DLGAP1: variants seen among roughly 807,000 people sequenced by gnomAD.
DLGAP1 encodes disks large-associated protein 1.
Under a neutral mutation model 90.8 loss-of-function variants are expected in DLGAP1, and 11 were observed. That is an observed-to-expected ratio of 0.12 (90% CI 0.08 to 0.20). The LOEUF (loss-of-function observed/expected upper bound fraction) is 0.20. Among genes scored for constraint, DLGAP1 ranks in the 10% least tolerant of loss-of-function variants. The pLI is 1.00. For synonymous variants in DLGAP1, 558 were observed against 540.7 expected (o/e 1.03, Z -0.44); for missense variants, 1,050 against 1,333.8 (o/e 0.79, Z 3.31).
chr18:4,413,258 G>A (rs1438938387), intron 1 of DLGAP1, among the ~76,000 whole-genome samples: 4 of 152,060 alleles, frequency 2.6e-5, no homozygotes, highest in Non-Finnish European at 5.9e-5. Context: ...TGCAGCTAGG[G>A]ATTCATTCCA....
intron 1 of DLGAP1, among the ~76,000 whole-genome samples, chr18:4,209,612 A>C (rs1006235821): frequency 1.4e-4 from 21 of 152,210 alleles, no homozygotes; most frequent in Admixed American, 7.9e-4. Flanking sequence ...TGTTTATATC[A>C]AATGTAAATC....
intron 5 of DLGAP1, among the ~76,000 whole-genome samples, chr18:3,794,427 T>C (rs2065885747): frequency 9.4e-6 from 1 of 106,926 alleles, no homozygotes. Flanking sequence ...AAACTCTCCG[T>C]GTCAAAGTCT....
chr18:4,111,695 TTTCATCTAA>T (rs2075975769), intron 2 of DLGAP1, among the ~76,000 whole-genome samples: 1 of 152,084 alleles, frequency 6.6e-6, no homozygotes, highest in African/African-American at 2.4e-5. Flanking sequence ...AATTTGTCCA[TTTCATCTAA>T]GTTATCTAAT....
intron 1 of DLGAP1, among the ~76,000 whole-genome samples, chr18:4,332,110 T>C (rs146606525): frequency 1.2e-3 from 181 of 152,010 alleles, no homozygotes; most frequent in Non-Finnish European, 2.2e-3. Flanking sequence ...AGGCTGTAAA[T>C]AAGGCTTTCT....
At chr18:3,860,113 T>TAA (rs1555695348) in intron 4 of DLGAP1, among the ~76,000 whole-genome samples, 18 of 142,306 alleles carry the variant, frequency 1.3e-4, no homozygotes, top group South Asian at 6.5e-4. Context: ...AATAAATAAA[T>TAA]AAATAAATTT....
chr18:4,436,889 C>G (rs2083412972), intron 1 of DLGAP1, among the ~76,000 whole-genome samples: 1 of 152,148 alleles, frequency 6.6e-6, no homozygotes, highest in Admixed American at 6.5e-5. Flanking sequence ...TAGACTCAAA[C>G]AAAGTCCTAT....
intron 1 of DLGAP1, among the ~76,000 whole-genome samples, chr18:4,443,982 G>C (rs191359168): frequency 1.4e-4 from 22 of 152,330 alleles, no homozygotes; most frequent in Non-Finnish European, 2.5e-4. Context: ...AAGTGTTCCA[G>C]TTATGTTTTG....
intron 1 of DLGAP1, among the ~76,000 whole-genome samples, chr18:4,371,684 G>T (rs544188429): frequency 6.6e-6 from 1 of 152,206 alleles, no homozygotes; most frequent in Non-Finnish European, 1.5e-5. Flanking sequence ...GACTACAAAT[G>T]TATGAAGATT....
At chr18:4,008,931 T>C (rs2074360640) in intron 2 of DLGAP1, among the ~76,000 whole-genome samples, 1 of 151,768 alleles carries the variant, frequency 6.6e-6, no homozygotes, top group Non-Finnish European at 1.5e-5. Context: ...TGAAACGGAG[T>C]CTCGCTCCGT....
At chr18:3,899,360 C>T (rs2071732831) in intron 3 of DLGAP1, among the ~76,000 whole-genome samples, 1 of 152,190 alleles carries the variant, frequency 6.6e-6, no homozygotes, top group South Asian at 2.1e-4. Context: ...GCCTATATTC[C>T]AGCAGACCAG....
chr18:3,639,753 G>T, intron 7 of DLGAP1, among the ~76,000 whole-genome samples: 1 of 113,552 alleles, frequency 8.8e-6, no homozygotes, highest in East Asian at 2.4e-4. Context: ...CTGCAGAGTT[G>T]CCTTTTTTTT....
chr18:3,928,941 C>T (rs1485774855), intron 3 of DLGAP1, among the ~76,000 whole-genome samples: 1 of 152,066 alleles, frequency 6.6e-6, no homozygotes, highest in Non-Finnish European at 1.5e-5. Context: ...AGCACCATCC[C>T]CACCAGTGCT....
chr18:4,065,050 T>C (rs1598336452), intron 2 of DLGAP1, among the ~76,000 whole-genome samples: 1 of 152,060 alleles, frequency 6.6e-6, no homozygotes, highest in Non-Finnish European at 1.5e-5. Context: ...ATGTGGTTCA[T>C]CATATAAACA....
intron 3 of DLGAP1, among the ~76,000 whole-genome samples, chr18:3,886,369 C>T (rs1213523221): frequency 6.6e-6 from 1 of 152,146 alleles, no homozygotes; most frequent in African/African-American, 2.4e-5. Context: ...ATAATCACAT[C>T]AAGGTAAATG....
chr18:3,659,571 T>C (rs2059616048), intron 7 of DLGAP1, among the ~76,000 whole-genome samples: 1 of 151,860 alleles, frequency 6.6e-6, no homozygotes, highest in Non-Finnish European at 1.5e-5. Context: ...TTTTTTTTTT[T>C]TTCTTATTTT....
At chr18:4,284,659 G>A (rs538067706) in intron 1 of DLGAP1, among the ~76,000 whole-genome samples, 29 of 152,266 alleles carry the variant, frequency 1.9e-4, no homozygotes, top group Non-Finnish European at 3.4e-4. Flanking sequence ...TAGTTTGCTC[G>A]GCTTTCACTA....
chr18:3,567,546 C>A lies in DLGAP1; in HGVS notation c.2001G>T (p.Glu667Asp). The A allele has an allele frequency of 6.2e-7, 1 of 1,614,054 alleles. No homozygotes were observed. Among genetic ancestry groups the A allele is most frequent in the South Asian group, 1.1e-5 (1 of 91,078 alleles). Residue 667 changes from glutamate (E) to aspartate (D), a missense_variant, in exon 9 of 13, where the codon GAG becomes GAT. Transcript: ENST00000315677. ...DDAEEPDKTG[E>D]NKAPSKFQSV... The stretch of plus-strand genomic sequence containing the variant: ...ACTGGAACTTACTGGGTGCTTTATT[C>A]TCCCCTGTTTTGTCAGGTTCTTCAG...
Position 3,861,288 on chromosome 18 carries a change from A to G in DLGAP1, c.957+17824T>C, listed in dbSNP as rs140763870. Among the ~76,000 whole-genome samples, 562 of 152,322 alleles carry G rather than the reference A, an allele frequency of 3.7e-3. 3 individuals are homozygous for G. The highest frequency in any genetic ancestry group is 0.013 in the African/African-American group (534 of 41,564). Reference sequence around the variant, plus strand: ...ACAATAATAATTCTTTAAAAACTTTATATTCCTCAAATTATTCTACAGGCT... The same window carrying G: ...ACAATAATAATTCTTTAAAAACTTTGTATTCCTCAAATTATTCTACAGGCT... On this transcript the variant is annotated intron_variant, in intron 4 of 12. Transcript: ENST00000315677.
At chr18:4,113,886 A>AT (rs541691821) in intron 2 of DLGAP1, among the ~76,000 whole-genome samples, 1 of 151,962 alleles carries the variant, frequency 6.6e-6, no homozygotes, top group African/African-American at 2.4e-5. Flanking sequence ...CCCACTGCTT[A>AT]TTTTTATTGA....
Sources: allele counts gnomAD v4.1 joint callset (sites outside exome capture counted in the v4.1 genomes callset), GRCh38; gene constraint gnomAD v4.1.1; transcripts MANE v1.5; gene names NCBI Gene and HGNC (gene_info 2026-07-23, HGNC 2026-07-21).